CSMD1: variants seen among roughly 807,000 people sequenced by gnomAD.
CSMD1 encodes the protein CUB and sushi domain-containing protein 1.
CSMD1 carries 213 observed loss-of-function variants against 417.5 expected under a neutral mutation model. That is an observed-to-expected ratio of 0.51 (90% CI 0.46 to 0.57). The LOEUF is 0.57. CSMD1 is among the 20% of genes least tolerant of loss of function. The pLI is 0.00. For missense variants in CSMD1, 6,923 were observed against 4,529.7 expected (o/e 1.53, Z -15.17); for synonymous variants, 2,862 against 1,736.8 (o/e 1.65, Z -16.11).
chr8:4,718,119 A>T (rs576864580), intron 1 of CSMD1, among the ~76,000 whole-genome samples: 1 of 152,204 alleles, frequency 6.6e-6, no homozygotes, highest in African/African-American at 2.4e-5. Flanking sequence ...TATGACAGGC[A>T]CATGCCACCA....
intron 6 of CSMD1, among the ~76,000 whole-genome samples, chr8:3,717,416 C>T (rs1430070230): frequency 1.5e-5 from 2 of 134,686 alleles, no homozygotes; most frequent in Non-Finnish European, 3.4e-5. Context: ...TTTTTCTTTT[C>T]CATGAAATGC....
At chr8:4,967,051 T>C (rs1179214294) in intron 1 of CSMD1, among the ~76,000 whole-genome samples, 1 of 152,166 alleles carries the variant, frequency 6.6e-6, no homozygotes, top group East Asian at 1.9e-4. Flanking sequence ...TGTTCTCCAG[T>C]GGGTGAAGGC....
chr8:3,892,227 G>A (rs926476619), intron 5 of CSMD1, among the ~76,000 whole-genome samples: 3 of 152,162 alleles, frequency 2.0e-5, no homozygotes, highest in Non-Finnish European at 4.4e-5. Flanking sequence ...TTAAAGTGCT[G>A]AGGTCAAGCA....
intron 21 of CSMD1, among the ~76,000 whole-genome samples, chr8:3,348,402 G>A (rs1808158692): frequency 6.6e-6 from 1 of 152,124 alleles, no homozygotes; most frequent in African/African-American, 2.4e-5. Context: ...TGACTATGTG[G>A]AAGCAGCATG....
At chr8:4,323,976 C>T (rs997655049) in intron 3 of CSMD1, among the ~76,000 whole-genome samples, 1 of 152,158 alleles carries the variant, frequency 6.6e-6, no homozygotes, top group African/African-American at 2.4e-5. Context: ...AGCCTGCTGC[C>T]TCAAGGACTT....
At chr8:4,535,457 T>A (rs1349615426) in intron 2 of CSMD1, among the ~76,000 whole-genome samples, 1 of 152,190 alleles carries the variant, frequency 6.6e-6, no homozygotes, top group Non-Finnish European at 1.5e-5. Flanking sequence ...GCAATCATTA[T>A]AAACTTAAAG....
chr8:3,069,137 C>A (rs1383740507), intron 49 of CSMD1, among the ~76,000 whole-genome samples: 1 of 151,934 alleles, frequency 6.6e-6, no homozygotes, highest in Admixed American at 6.6e-5. Flanking sequence ...GAGAAATTGG[C>A]CAAGAGAAAG....
At chr8:4,211,584 G>T (rs1800316786) in intron 3 of CSMD1, among the ~76,000 whole-genome samples, 1 of 152,152 alleles carries the variant, frequency 6.6e-6, no homozygotes, top group Non-Finnish European at 1.5e-5. Flanking sequence ...AAGTTTTGCT[G>T]AAACGGCAAA....
chr8:3,231,941 A>C (rs993656832), intron 26 of CSMD1, among the ~76,000 whole-genome samples: 1 of 152,216 alleles, frequency 6.6e-6, no homozygotes, highest in Non-Finnish European at 1.5e-5. Context: ...TCTCTAAGCT[A>C]ATTGAGGCAA....
intron 5 of CSMD1, among the ~76,000 whole-genome samples, chr8:3,765,809 T>C (rs1162133389): frequency 6.6e-6 from 1 of 152,044 alleles, no homozygotes; most frequent in Non-Finnish European, 1.5e-5. Context: ...TGGAGACAGG[T>C]CTCAGGAATC....
chr8:3,435,661 G>A (rs748724290), intron 12 of CSMD1, among the ~76,000 whole-genome samples: 3 of 152,018 alleles, frequency 2.0e-5, no homozygotes, highest in Non-Finnish European at 2.9e-5. Context: ...CACCTGCACG[G>A]TGCCACCCAC....
chr8:4,880,702 C>G (rs577625506), intron 1 of CSMD1, among the ~76,000 whole-genome samples: 2 of 152,156 alleles, frequency 1.3e-5, no homozygotes, highest in South Asian at 2.1e-4. Context: ...TTCTGCCCAT[C>G]GCATAATCAT....
intron 3 of CSMD1, among the ~76,000 whole-genome samples, chr8:4,228,671 T>C (rs1401303089): frequency 2.0e-5 from 3 of 152,094 alleles, no homozygotes; most frequent in East Asian, 3.9e-4. Context: ...TCGATTGTTT[T>C]ATTTTATTCA....
chr8:4,994,629 T>A lies in CSMD1; in HGVS notation c.-213A>T. The A allele has an allele frequency of 2.1e-6, 1 of 478,246 alleles. No individual in the cohort carries two copies. Among genetic ancestry groups the A allele is most frequent in the Non-Finnish European group, 3.7e-6 (1 of 269,490 alleles). 29.6% of individuals were successfully genotyped at this position (478,246 alleles called of 1,614,324 possible). ...GTCCCGAGCCACTGCAGGGCTGAGC[T>A]GCTCCGAGCGCGGAGACCCGGGCTG... On this transcript the variant is annotated 5_prime_UTR_variant, in exon 1 of 70. Transcript: ENST00000635120.
chr8:4,063,751 G>A (rs186244196), intron 3 of CSMD1, among the ~76,000 whole-genome samples: 1 of 152,086 alleles, frequency 6.6e-6, no homozygotes, highest in Non-Finnish European at 1.5e-5. Context: ...CTTTTATTTT[G>A]AATCTAAATT....
At chr8:3,618,313 T>C (rs1183514527) in intron 7 of CSMD1, among the ~76,000 whole-genome samples, 1 of 152,176 alleles carries the variant, frequency 6.6e-6, no homozygotes, top group South Asian at 2.1e-4. Context: ...TCAAAATTTA[T>C]CTTTTACTAC....
chr8:4,378,207 C>T lies in CSMD1; in HGVS notation c.415+41746G>A, dbSNP rs144047166. On this transcript the variant is annotated intron_variant, in intron 3 of 69. Transcript: ENST00000635120. ...TCTAATCGGCGTCCAACGAATTAGTCGTGTTATGTACTGATGAGATTTCCT... is the reference window on the plus strand; with the variant it reads ...TCTAATCGGCGTCCAACGAATTAGTTGTGTTATGTACTGATGAGATTTCCT... 1.3e-3 allele frequency among the ~76,000 whole-genome samples: 202 copies of T among 152,282 alleles called. 1 individual carries two copies. Among genetic ancestry groups the T allele is most frequent in the African/African-American group, 4.7e-3 (197 of 41,568 alleles).
chr8:3,923,717 A>C (rs1397731802), intron 5 of CSMD1, among the ~76,000 whole-genome samples: 4 of 151,972 alleles, frequency 2.6e-5, no homozygotes, highest in African/African-American at 9.7e-5. Flanking sequence ...TCTAGTTCTT[A>C]TGCTTCCTGT....
chr8:2,993,112 G>A (rs940823284), intron 54 of CSMD1, among the ~76,000 whole-genome samples: 2 of 152,182 alleles, frequency 1.3e-5, no homozygotes, highest in African/African-American at 2.4e-5. Flanking sequence ...TCCAGTACTT[G>A]TGAATCCCAA....
Sources: allele counts gnomAD v4.1 joint callset (sites outside exome capture counted in the v4.1 genomes callset), GRCh38; gene constraint gnomAD v4.1.1; transcripts MANE v1.5; gene names NCBI Gene and HGNC (gene_info 2026-07-23, HGNC 2026-07-21).